Variants in ADAMTSL1 observed in about 807,000 individuals in gnomAD.
ADAMTSL1 encodes ADAMTS-like protein 1.
Under a neutral mutation model 201.8 loss-of-function variants are expected in ADAMTSL1, and 126 were observed. The observed-to-expected ratio is 0.62, with a 90% CI of 0.54 to 0.72. The LOEUF (loss-of-function observed/expected upper bound fraction) is 0.72. ADAMTSL1 is among the 30% of genes least tolerant of loss of function. The probability of loss-of-function intolerance (pLI) is 0.00; values close to 1 mark genes in which losing one functional copy is unlikely to be tolerated. For missense variants in ADAMTSL1, 2,679 were observed against 2,277.8 expected, an observed-to-expected ratio of 1.18 and a Z score of -3.59; for synonymous variants, 1,121 against 903.4, an observed-to-expected ratio of 1.24 and a Z score of -4.32.
intron 1 of ADAMTSL1, among the ~76,000 whole-genome samples, chr9:17,950,397 C>G (rs1827686763): frequency 6.6e-6 from 1 of 151,944 alleles, no homozygotes; most frequent in Non-Finnish European, 1.5e-5. Flanking sequence ...CCTCTTTGAA[C>G]TTTTCCAAAT....
chr9:18,298,980 C>T (rs981987994), intron 2 of ADAMTSL1, among the ~76,000 whole-genome samples: 1 of 150,688 alleles, frequency 6.6e-6, no homozygotes, highest in Admixed American at 6.6e-5. Context: ...CCACTGCACT[C>T]CAGCCTGGGC....
At chr9:18,718,639 G>C (rs962847267) in intron 14 of ADAMTSL1, 3 of 359,346 alleles carry the variant, frequency 8.3e-6, no homozygotes, top group Non-Finnish European at 1.6e-5. Flanking sequence ...TGCCGCTGCC[G>C]CCGCCGCTCC....
chr9:18,451,837 C>G (rs989324234), intron 2 of ADAMTSL1, among the ~76,000 whole-genome samples: 4 of 152,210 alleles, frequency 2.6e-5, no homozygotes, highest in Non-Finnish European at 5.9e-5. Context: ...CCACATCTGG[C>G]AAGGGCCCTC....
chr9:18,008,252 C>G (rs919777884), intron 1 of ADAMTSL1, among the ~76,000 whole-genome samples: 1 of 151,970 alleles, frequency 6.6e-6, no homozygotes, highest in African/African-American at 2.4e-5. Context: ...TAAGTTCTTG[C>G]TGTTCAGGAA....
chr9:18,027,719 G>A (rs1820762937), intron 1 of ADAMTSL1, among the ~76,000 whole-genome samples: 1 of 152,046 alleles, frequency 6.6e-6, no homozygotes, highest in Non-Finnish European at 1.5e-5. Context: ...TTATGTACAT[G>A]TCTAGTAGGT....
rs559013438 is a variant in ADAMTSL1 at position 18,793,243 on chromosome 9, C to T, written c.3678-2154C>T. On this transcript the variant is annotated intron_variant, in intron 19 of 28. Transcript: ENST00000380548. The stretch of plus-strand genomic sequence containing the variant: ...TGGAAGCCTTACTTCTACTTCCTGC[C>T]TTTCCTCTGACAGGAGGTAAGAATA... 4 of 152,362 alleles carry T rather than the reference C, an allele frequency of 2.6e-5. No individual in the cohort carries two copies. In the South Asian group the frequency reaches 8.3e-4, roughly 32 times the overall value. 9.4% of individuals were successfully genotyped at this position (152,362 alleles called of 1,614,324 possible). A position where few individuals can be genotyped will look rare whatever the true frequency, so the allele number is the denominator to read the frequency against.
chr9:18,681,569 A>ACTGATTAAT (rs1480468002), intron 11 of ADAMTSL1: 1 of 271,334 alleles, frequency 3.7e-6, no homozygotes, highest in African/African-American at 2.2e-5. Context: ...AAGATTGCTG[A>ACTGATTAAT]CTGATTAATC....
intron 4 of ADAMTSL1, among the ~76,000 whole-genome samples, chr9:18,584,788 A>G (rs1288138981): frequency 6.6e-6 from 1 of 152,132 alleles, no homozygotes; most frequent in Non-Finnish European, 1.5e-5. Flanking sequence ...GCACCATCCA[A>G]TTGACTAGGG....
At chr9:18,860,321 C>A (rs143527759) in intron 23 of ADAMTSL1, among the ~76,000 whole-genome samples, 151 of 152,312 alleles carry the variant, frequency 9.9e-4, no homozygotes, top group African/African-American at 3.5e-3. Context: ...ATACCCTCGA[C>A]CAGGGGTTGG....
rs551514865 is a variant in ADAMTSL1 at position 18,900,725 on chromosome 9, A to G, written c.4852-5057A>G. 1.2e-3 allele frequency among the ~76,000 whole-genome samples: 180 copies of G among 148,592 alleles called. 1 individual carries two copies. Among genetic ancestry groups the G allele is most frequent in the African/African-American group, 4.0e-3 (160 of 40,466 alleles). On this transcript the variant is annotated intron_variant, in intron 26 of 28. Coordinates refer to ENST00000380548, the MANE Select transcript of ADAMTSL1 (RefSeq NM_001040272.6). ...ACTTATAAGTGAGAACTGAATGATG[A>G]GAACACATGGACACACTGGGGGGAA...
At chr9:18,826,196 G>T (rs1280313398) in intron 21 of ADAMTSL1, 88 bp from the exon 22 acceptor site, 1 of 1,477,236 alleles carries the variant, frequency 6.8e-7, no homozygotes, top group East Asian at 2.5e-5. Flanking sequence ...CAGGGAAGGG[G>T]GATTCAAGAA....
chr9:18,344,852 C>T (rs1025456007), intron 2 of ADAMTSL1, among the ~76,000 whole-genome samples: 2 of 152,148 alleles, frequency 1.3e-5, no homozygotes, highest in South Asian at 2.1e-4. Flanking sequence ...GAGTTCAGAA[C>T]CCATGGGGTT....
At position 18,656,544 on chromosome 9, in the gene ADAMTSL1, G is replaced by A. The variant is rs373176333; in HGVS notation, c.835-1095G>A. Among the ~76,000 whole-genome samples, 12 of 150,084 alleles carry A rather than the reference G, an allele frequency of 8.0e-5. No homozygotes were observed. The East Asian group carries it at 2.2e-3, about 27-fold the overall frequency. On this transcript the variant is annotated intron_variant, in intron 7 of 28. Coordinates refer to ENST00000380548, the MANE Select transcript of ADAMTSL1 (RefSeq NM_001040272.6). ...CTCGGGAGGCTGAGGCAGAAGAATGGTGTGAACCCGGGAGGCGGAGCTGGC... is the reference window on the plus strand; with the variant it reads ...CTCGGGAGGCTGAGGCAGAAGAATGATGTGAACCCGGGAGGCGGAGCTGGC...
At chr9:18,038,745 C>G (rs141777280) in intron 1 of ADAMTSL1, among the ~76,000 whole-genome samples, 123 of 152,300 alleles carry the variant, frequency 8.1e-4, no homozygotes, top group African/African-American at 2.8e-3. Flanking sequence ...CAACTTTTCA[C>G]ATGAAGTTTA....
intron 4 of ADAMTSL1, chr9:18,574,480 CT>C: frequency 1.7e-6 from 1 of 605,822 alleles, no homozygotes; most frequent in Admixed American, 2.9e-5. Flanking sequence ...TTTTTCTTTC[CT>C]TGAGTGTCAC....
intron 16 of ADAMTSL1, among the ~76,000 whole-genome samples, chr9:18,762,948 A>G (rs1378356010): frequency 6.6e-6 from 1 of 152,212 alleles, no homozygotes; most frequent in African/African-American, 2.4e-5. Flanking sequence ...TGTAAAGAAT[A>G]TATACACTGC....
chr9:18,419,127 A>T (rs1022900639), intron 2 of ADAMTSL1, among the ~76,000 whole-genome samples: 2 of 152,228 alleles, frequency 1.3e-5, no homozygotes, highest in African/African-American at 4.8e-5. Flanking sequence ...TAAAATAGAA[A>T]TCTACACATG....
At chr9:18,311,830 C>T (rs1049906781) in intron 2 of ADAMTSL1, among the ~76,000 whole-genome samples, 9 of 152,036 alleles carry the variant, frequency 5.9e-5, no homozygotes, top group Admixed American at 1.3e-4. Flanking sequence ...CAAAGGGCTG[C>T]AATAAAGATC....
At chr9:18,877,317 T>C (rs1270869172) in intron 23 of ADAMTSL1, among the ~76,000 whole-genome samples, 2 of 152,234 alleles carry the variant, frequency 1.3e-5, no homozygotes, top group African/African-American at 4.8e-5. Flanking sequence ...TTTGTCATAA[T>C]ACCAGGATTG....
Sources: gnomAD v4.1 joint callset for allele counts (sites outside exome capture counted in the v4.1 genomes callset) on GRCh38, gnomAD v4.1.1 for gene constraint, MANE v1.5 for transcripts, NCBI Gene and HGNC (gene_info 2026-07-23, HGNC 2026-07-21) for gene names.